SH3PXD2B: variants seen among roughly 807,000 people sequenced by gnomAD.
SH3PXD2B encodes SH3 and PX domains 2B, also known as SH3 and PX domain-containing protein 2B.
SH3PXD2B carries 37 observed loss-of-function variants against 73.1 expected under a neutral mutation model. That is an observed-to-expected ratio of 0.51 (90% confidence interval 0.39 to 0.67). SH3PXD2B has a LOEUF of 0.67. Ranked by LOEUF, SH3PXD2B falls within the 30% of genes least tolerant of loss-of-function variation. The pLI is 0.00. For missense variants in SH3PXD2B, 1,053 were observed against 1,197.8 expected (o/e 0.88, Z 1.78); for synonymous variants, 457 against 480.5 (o/e 0.95, Z 0.64).
Position 172,337,608 on chromosome 5 carries a change from G to A in SH3PXD2B, c.*761C>T. ...CAAAAATGAAATGCTCCAAGTTGGG[G>A]TGGGAACTCTCATTGAAAAGCCCTG... On this transcript the variant is annotated 3_prime_UTR_variant, in exon 13 of 13. Transcript: ENST00000311601. 2 of 985,584 alleles carry A rather than the reference G, an allele frequency of 2.0e-6. No individual in the cohort carries two copies. The highest frequency in any genetic ancestry group is 2.4e-6 in the Non-Finnish European group (2 of 830,040). 61.1% of individuals were successfully genotyped at this position (985,584 alleles called of 1,614,324 possible). A position where few individuals can be genotyped will look rare whatever the true frequency, so the allele number is the denominator to read the frequency against.
At chr5:172,332,934 ATGT>A (rs68083712), downstream of SH3PXD2B, among the ~76,000 whole-genome samples, 69,460 of 138,906 alleles carry the variant, frequency 0.5, 17,444 homozygotes, top group South Asian at 0.72. Flanking sequence ...CCACCGCACA[ATGT>A]TTTTTTTTTT....
intron 11 of SH3PXD2B, among the ~76,000 whole-genome samples, chr5:172,346,767 T>C (rs1198903298): frequency 6.6e-6 from 1 of 151,620 alleles, no homozygotes; most frequent in Non-Finnish European, 1.5e-5. Context: ...GCTTGATAAA[T>C]AGCAGACATT....
Position 172,333,674 on chromosome 5 carries a change from C to T in SH3PXD2B, c.*4695G>A, listed in dbSNP as rs963799271. On this transcript the variant is annotated 3_prime_UTR_variant, in exon 13 of 13. Coordinates refer to ENST00000311601, the MANE Select transcript of SH3PXD2B (RefSeq NM_001017995.3). ...GTGTTAAAGGAAACAAAAACCACCA[C>T]CGGAATGCCAATTTGCCAAGAGGGT... 6 of 1,289,254 alleles carry T rather than the reference C, an allele frequency of 4.7e-6. No individual in the cohort carries two copies. The African/African-American group carries it at 7.6e-5, about 16-fold the overall frequency. 79.9% of individuals were successfully genotyped at this position (1,289,254 alleles called of 1,614,324 possible).
intron 1 of SH3PXD2B, among the ~76,000 whole-genome samples, chr5:172,440,388 G>T (rs941251120): frequency 1.3e-5 from 2 of 152,200 alleles, no homozygotes; most frequent in African/African-American, 4.8e-5. Flanking sequence ...GCCTCGATGG[G>T]GCTGTGGGCA....
chr5:172,423,511 C>T (rs573214859), intron 1 of SH3PXD2B, among the ~76,000 whole-genome samples: 35 of 149,652 alleles, frequency 2.3e-4, no homozygotes, highest in South Asian at 6.4e-4. Flanking sequence ...AATCCTCCTT[C>T]CCTACCTTCA....
chr5:172,406,748 C>T (rs141934482), intron 2 of SH3PXD2B, among the ~76,000 whole-genome samples: 268 of 152,264 alleles, frequency 1.8e-3, no homozygotes, highest in African/African-American at 6.2e-3. Context: ...CAATGTGGTT[C>T]GGTTCATGCT....
At chr5:172,447,057 G>A (rs1351502790) in intron 1 of SH3PXD2B, among the ~76,000 whole-genome samples, 1 of 152,108 alleles carries the variant, frequency 6.6e-6, no homozygotes, top group Admixed American at 6.5e-5. Flanking sequence ...AGGATGTGGG[G>A]ATCTGGCTGG....
chr5:172,451,369 T>C (rs1210922428), intron 1 of SH3PXD2B, among the ~76,000 whole-genome samples: 6 of 152,130 alleles, frequency 3.9e-5, no homozygotes, highest in Non-Finnish European at 5.9e-5. Flanking sequence ...GGGGTGGGAA[T>C]GTGTGTGGTG....
chr5:172,428,267 T>C (rs1458144645), intron 1 of SH3PXD2B, among the ~76,000 whole-genome samples: 1 of 152,162 alleles, frequency 6.6e-6, no homozygotes, highest in South Asian at 2.1e-4. Context: ...GATTACAAGA[T>C]GGACAAAACT....
intron 1 of SH3PXD2B, among the ~76,000 whole-genome samples, chr5:172,434,550 T>C (rs953899887): frequency 6.6e-6 from 1 of 152,232 alleles, no homozygotes; most frequent in Non-Finnish European, 1.5e-5. Context: ...GTGTTCACCA[T>C]GTGAACTGGA....
chr5:172,339,434 C>A lies in SH3PXD2B; in HGVS notation c.1671G>T (p.Pro557=). The A allele has an allele frequency of 2.5e-6, 4 of 1,614,116 alleles. No individual in the cohort carries two copies. The highest frequency in any genetic ancestry group is 3.4e-6 in the Non-Finnish European group (4 of 1,180,000). The change falls in exon 13 of 13, where the codon CCG becomes CCT. Residue 557 remains proline (P), a synonymous_variant. Transcript: ENST00000311601. This position sits in a 1 kb window ranked among gnomAD's most constrained non-coding sequence, Gnocchi z 6.1. ...EQLRGPTPKP[P]GVILPMMPAK... Reference sequence around the variant, plus strand: ...CTGGCATCATCGGCAAAATCACGCCCGGAGGCTTGGGAGTGGGGCCCCGGA... The same window carrying A: ...CTGGCATCATCGGCAAAATCACGCCAGGAGGCTTGGGAGTGGGGCCCCGGA...
At chr5:172,341,817 A>ATTT in intron 12 of SH3PXD2B, among the ~76,000 whole-genome samples, 1 of 145,054 alleles carries the variant, frequency 6.9e-6, no homozygotes, top group East Asian at 2.0e-4. Context: ...TGCCCGGCTA[A>ATTT]TTTTTTTTTT....
chr5:172,397,860 C>T (rs987696233), intron 3 of SH3PXD2B, among the ~76,000 whole-genome samples: 3 of 152,108 alleles, frequency 2.0e-5, no homozygotes, highest in Non-Finnish European at 4.4e-5. Flanking sequence ...GGTCTCGGTC[C>T]AAAGCATGAA....
chr5:172,440,642 G>A lies in SH3PXD2B; in HGVS notation c.75+13636C>T, dbSNP rs182105486. ...GGGCTGGAAACTGGGGCTCTGACTG[G>A]CTGCATCATGGGGAATCTCAGTAGG... On this transcript the variant is annotated intron_variant, in intron 1 of 12. Transcript: ENST00000311601. Among the ~76,000 whole-genome samples, 339 of 152,310 alleles carry A rather than the reference G, an allele frequency of 2.2e-3. 7 individuals are homozygous for A. The highest frequency in any genetic ancestry group is 0.018 in the Admixed American group (282 of 15,302).
Position 172,338,616 on chromosome 5 carries a change from C to A in SH3PXD2B, c.2489G>T (p.Gly830Val). ...TTTCTCCCTGTTTTCTCCAATCTTGCCGGTCCCCCATGGCCCCAGGCTGCC... is the reference window on the plus strand; with the variant it reads ...TTTCTCCCTGTTTTCTCCAATCTTGACGGTCCCCCATGGCCCCAGGCTGCC... ...GKGSLGPWGT[G>V]KIGENREKAA... Residue 830 changes from glycine (G) to valine (V), a missense_variant, in exon 13 of 13, where the codon GGC becomes GTC. By Grantham distance (109) the Gly-to-Val change is moderately radical. Transcript: ENST00000311601. This position sits in a 1 kb window ranked among gnomAD's most constrained non-coding sequence, Gnocchi z 5.1. 1 of 1,614,080 alleles carries A rather than the reference C, an allele frequency of 6.2e-7. No homozygotes were observed. Among genetic ancestry groups the A allele is most frequent in the South Asian group, 1.1e-5 (1 of 91,074 alleles).
chr5:172,349,337 G>A (rs1038837467), intron 10 of SH3PXD2B, among the ~76,000 whole-genome samples: 14 of 152,230 alleles, frequency 9.2e-5, no homozygotes, highest in African/African-American at 3.1e-4. Flanking sequence ...TGCCCTGCAC[G>A]GCCAAGACAG....
chr5:172,352,236 C>G (rs1757172947), intron 9 of SH3PXD2B, among the ~76,000 whole-genome samples: 1 of 152,122 alleles, frequency 6.6e-6, no homozygotes, highest in African/African-American at 2.4e-5. Flanking sequence ...AAACTAATGT[C>G]TTTAAATTTT....
rs73317794 is a variant in SH3PXD2B, at chr5:172,338,355, A to G, written c.*14T>C. On this transcript the variant is annotated 3_prime_UTR_variant, in exon 13 of 13. Transcript: ENST00000311601. The surrounding 1 kb of genome is among the most constrained non-coding windows in gnomAD (Gnocchi z 5.1). ...GCAAGGACCAGCGGGCCCTCTAGGC[A>G]GAAAGGGAGTCGGCTACGGCTTCTT... is the stretch of plus-strand genomic sequence containing the variant. 1.8e-3 allele frequency: 2,943 copies of G among 1,614,046 alleles called. 56 individuals are homozygous for G. The African/African-American group carries it at 0.035, about 19-fold the overall frequency.
intron 1 of SH3PXD2B, among the ~76,000 whole-genome samples, chr5:172,431,357 T>G (rs17704771): frequency 0.024 from 3,605 of 152,316 alleles, 61 homozygotes; most frequent in Non-Finnish European, 0.035. Flanking sequence ...GCAGAGAGGA[T>G]AAGTGAAGGA....
Sources: gnomAD v4.1 joint callset for allele counts (sites outside exome capture counted in the v4.1 genomes callset) on GRCh38, gnomAD v4.1.1 for gene constraint, Gnocchi (gnomAD v3.1) non-coding constraint, MANE v1.5 for transcripts, NCBI Gene and HGNC (gene_info 2026-07-23, HGNC 2026-07-21) for gene names.